The following PARD3B variants were observed in gnomAD, a reference collection of about 807,000 sequenced individuals.
PARD3B encodes partitioning defective 3 homolog B.
PARD3B carries 103 observed loss-of-function variants against 130.2 expected under a neutral mutation model. That is an observed-to-expected ratio of 0.79 (90% CI 0.67 to 0.93). The LOEUF is 0.93. Among genes scored for constraint, PARD3B ranks in the 40% least tolerant of loss-of-function variants. PARD3B has a pLI of 0.00. For missense variants in PARD3B, 1,609 were observed against 1,499.2 expected, an observed-to-expected ratio of 1.07 and a Z score of -1.21; for synonymous variants, 583 against 553.2, an observed-to-expected ratio of 1.05 and a Z score of -0.76.
intron 2 of PARD3B, among the ~76,000 whole-genome samples, chr2:204,908,942 C>T (rs1263708978): frequency 7.2e-5 from 11 of 151,986 alleles, no homozygotes; most frequent in Non-Finnish European, 4.4e-5. Flanking sequence ...GACCTTAAGG[C>T]CCATATAAAG....
At chr2:204,614,348 T>G (rs1173233625) in intron 1 of PARD3B, among the ~76,000 whole-genome samples, 4 of 152,112 alleles carry the variant, frequency 2.6e-5, no homozygotes, top group African/African-American at 9.7e-5. Context: ...CAATATATAT[T>G]TTATACTTAG....
In PARD3B at chr2:205,197,842, A is replaced by G. The variant is rs1179223126; in HGVS notation, c.2140+4522A>G. ...GTCTGGACTCCTTTAATTTGTTCAT[A>G]ATTGAGCTTGTGTGGGTGTTGAGTT... On this transcript the variant is annotated intron_variant, in intron 15 of 22. Transcript: ENST00000406610. Among the ~76,000 whole-genome samples the G allele has an allele frequency of 2.6e-5, 4 of 152,246 alleles. No homozygotes were observed. In the East Asian group the frequency reaches 7.7e-4, roughly 29 times the overall value.
chr2:205,586,724 A>G (rs1224095755), intron 22 of PARD3B, among the ~76,000 whole-genome samples: 1 of 152,134 alleles, frequency 6.6e-6, no homozygotes, highest in Non-Finnish European at 1.5e-5. Flanking sequence ...ATTTTCCTAT[A>G]CTTGACACAT....
In PARD3B at chr2:205,172,224, G is replaced by A. The variant is rs148818018; in HGVS notation, c.1634G>A (p.Arg545Gln). The A allele has an allele frequency of 3.6e-4, 584 of 1,613,998 alleles. 4 individuals carry two copies. Among genetic ancestry groups the A allele is most frequent in the Middle Eastern group, 1.8e-3 (11 of 6,062 alleles). ...CTTCTGCCTTAGGATGGTCGTCTGCGAATGAATGACCAGCTGATTGCAGTT... is the reference window on the plus strand; with the variant it reads ...CTTCTGCCTTAGGATGGTCGTCTGCAAATGAATGACCAGCTGATTGCAGTT... ...GGAAFKDGRLRMNDQLIAVNG... is the reference protein window; with the variant it reads ...GGAAFKDGRLQMNDQLIAVNG... Residue 545 changes from arginine (R) to glutamine (Q), a missense_variant, in exon 12 of 23, where the codon CGA becomes CAA. Physicochemically the swap from Arg to Gln is conservative, Grantham distance 43. Coordinates refer to ENST00000406610, the MANE Select transcript of PARD3B (RefSeq NM_001302769.2).
intron 16 of PARD3B, among the ~76,000 whole-genome samples, chr2:205,297,314 T>C (rs894630653): frequency 6.6e-6 from 1 of 152,132 alleles, no homozygotes; most frequent in Non-Finnish European, 1.5e-5. Flanking sequence ...AGGCTAGACA[T>C]AGACAGTGAA....
rs141395133 is a variant in PARD3B, at chr2:204,759,024, C to G, written c.222+72742C>G. 6.6e-4 allele frequency among the ~76,000 whole-genome samples: 100 copies of G among 152,198 alleles called. 1 individual carries two copies. The East Asian group carries it at 0.018, about 27-fold the overall frequency. On this transcript the variant is annotated intron_variant, in intron 2 of 22. Coordinates refer to ENST00000406610, the MANE Select transcript of PARD3B (RefSeq NM_001302769.2). The stretch of plus-strand genomic sequence containing the variant: ...TCTGTGTCACTTCAAATTATTTGAT[C>G]CTTACTGTCCTTCCACATCTCAGTC...
intron 2 of PARD3B, among the ~76,000 whole-genome samples, chr2:204,692,500 GC>G (rs1231969512): frequency 1.7e-5 from 1 of 58,014 alleles, no homozygotes; most frequent in Admixed American, 1.9e-4. Flanking sequence ...AAGTTAAACA[GC>G]TTTTTTTTTT....
At chr2:204,987,452 T>G (rs890466437) in intron 3 of PARD3B, among the ~76,000 whole-genome samples, 4 of 152,192 alleles carry the variant, frequency 2.6e-5, no homozygotes, top group Admixed American at 6.5e-5. Flanking sequence ...TTCTGTAGTT[T>G]GGGGAGATAA....
At chr2:205,036,677 AT>A (rs1331404451) in intron 3 of PARD3B, among the ~76,000 whole-genome samples, 6 of 145,970 alleles carry the variant, frequency 4.1e-5, no homozygotes, top group Admixed American at 3.4e-4. Context: ...TGTACAAAAA[AT>A]ATATATACAC....
At chr2:205,286,879 G>A (rs983650762) in intron 16 of PARD3B, among the ~76,000 whole-genome samples, 3 of 152,146 alleles carry the variant, frequency 2.0e-5, no homozygotes, top group African/African-American at 7.2e-5. Context: ...CCTCTCTTTT[G>A]AAAGCCATTC....
At chr2:204,872,429 T>A (rs2045666224) in intron 2 of PARD3B, among the ~76,000 whole-genome samples, 5 of 152,174 alleles carry the variant, frequency 3.3e-5, no homozygotes. Context: ...TTAGATGATC[T>A]CGTCACTGTA....
intron 22 of PARD3B, among the ~76,000 whole-genome samples, chr2:205,582,317 T>C (rs1282490892): frequency 6.6e-6 from 1 of 152,156 alleles, no homozygotes; most frequent in Non-Finnish European, 1.5e-5. Flanking sequence ...TAGAGTCTCA[T>C]AAAAAATGAG....
chr2:205,417,241 C>A (rs978867204), intron 19 of PARD3B, among the ~76,000 whole-genome samples: 1 of 151,928 alleles, frequency 6.6e-6, no homozygotes, highest in Non-Finnish European at 1.5e-5. Flanking sequence ...CATCCATGTC[C>A]CTGTAAAGGA....
chr2:204,717,352 G>A (rs1315056463), intron 2 of PARD3B, among the ~76,000 whole-genome samples: 2 of 152,168 alleles, frequency 1.3e-5, no homozygotes, highest in South Asian at 2.1e-4. Flanking sequence ...GACCCTCATA[G>A]GCTTTTTCTC....
At chr2:205,223,123 C>A (rs542770437) in intron 15 of PARD3B, among the ~76,000 whole-genome samples, 33 of 152,094 alleles carry the variant, frequency 2.2e-4, no homozygotes, top group Admixed American at 3.3e-4. Flanking sequence ...CATGTGAGAT[C>A]AGCGGCATTT....
At chr2:204,766,425 T>A (rs10169093) in intron 2 of PARD3B, among the ~76,000 whole-genome samples, 8,133 of 152,230 alleles carry the variant, frequency 0.053, 283 homozygotes, top group African/African-American at 0.092. Context: ...TTTCTCTACT[T>A]TTGCCCACCA....
At chr2:204,881,259 A>G (rs1424882952) in intron 2 of PARD3B, among the ~76,000 whole-genome samples, 3 of 152,094 alleles carry the variant, frequency 2.0e-5, no homozygotes, top group African/African-American at 4.8e-5. Context: ...GTGTGTATCT[A>G]TGTCTATGTA....
chr2:205,007,101 TAGTG>T (rs1326305559), intron 3 of PARD3B, among the ~76,000 whole-genome samples: 1 of 152,122 alleles, frequency 6.6e-6, no homozygotes, highest in Non-Finnish European at 1.5e-5. Flanking sequence ...GTTCTCATGA[TAGTG>T]AGTGAGTTCT....
rs1472930262 is a variant in PARD3B at position 205,491,932 on chromosome 2, A to G, written c.3045-7964A>G. 3.3e-5 allele frequency among the ~76,000 whole-genome samples: 5 copies of G among 152,192 alleles called. No homozygotes were observed. The East Asian group carries it at 7.7e-4, about 23-fold the overall frequency. ...ATGGCTGGGGGGAGGACCGCAGTTC[A>G]GGATTATAGTCTGAGCTGATGTATT... On this transcript the variant is annotated intron_variant, in intron 20 of 22. Transcript: ENST00000406610.
Sources: allele counts gnomAD v4.1 joint callset (sites outside exome capture counted in the v4.1 genomes callset), GRCh38; gene constraint gnomAD v4.1.1; transcripts MANE v1.5; gene names NCBI Gene and HGNC (gene_info 2026-07-23, HGNC 2026-07-21).